The following CACNA2D3 variants were observed in gnomAD, a reference collection of about 807,000 sequenced individuals.
CACNA2D3 encodes voltage-dependent calcium channel subunit alpha-2/delta-3.
A neutral mutation model predicts 160.6 loss-of-function variants in CACNA2D3; 60 were observed. The observed-to-expected ratio is 0.37, with a 90% CI of 0.30 to 0.46. CACNA2D3 has a LOEUF of 0.46. Ranked by LOEUF, CACNA2D3 falls within the 20% of genes least tolerant of loss-of-function variation. The pLI is 1.00. For missense variants in CACNA2D3, 1,205 were observed against 1,365.0 expected (o/e 0.88, Z 1.85); for synonymous variants, 558 against 492.9 (o/e 1.13, Z -1.75).
intron 9 of CACNA2D3, chr3:54,626,282 A>G (rs768623725): frequency 3.4e-5 from 49 of 1,460,052 alleles, no homozygotes; most frequent in Non-Finnish European, 4.4e-5. Flanking sequence ...GACCTGGACC[A>G]GCTGCTGGAC....
At chr3:54,641,481 A>G (rs551223700) in intron 10 of CACNA2D3, among the ~76,000 whole-genome samples, 5 of 152,212 alleles carry the variant, frequency 3.3e-5, no homozygotes, top group Non-Finnish European at 5.9e-5. Flanking sequence ...ATCTCTTTTC[A>G]GACCTGAAAA....
chr3:54,217,218 G>A (rs1308949935), intron 2 of CACNA2D3, among the ~76,000 whole-genome samples: 1 of 152,150 alleles, frequency 6.6e-6, no homozygotes, highest in South Asian at 2.1e-4. Flanking sequence ...CAGCAGAGCA[G>A]TGACCTTATG....
intron 14 of CACNA2D3, among the ~76,000 whole-genome samples, chr3:54,827,324 G>A (rs892996227): frequency 6.6e-6 from 1 of 152,228 alleles, no homozygotes; most frequent in Non-Finnish European, 1.5e-5. Context: ...ACGTTTGGTA[G>A]CAAGTACAAA....
At chr3:54,783,139 C>A (rs1043615350) in intron 13 of CACNA2D3, among the ~76,000 whole-genome samples, 2 of 152,104 alleles carry the variant, frequency 1.3e-5, no homozygotes, top group African/African-American at 4.8e-5. Context: ...ATGTTACATG[C>A]AAGAAGGTCT....
At chr3:54,461,064 A>T (rs1700495182) in intron 4 of CACNA2D3, among the ~76,000 whole-genome samples, 1 of 152,064 alleles carries the variant, frequency 6.6e-6, no homozygotes, top group Non-Finnish European at 1.5e-5. Context: ...TTCTGTTTAT[A>T]TGCTGGATTA....
intron 11 of CACNA2D3, among the ~76,000 whole-genome samples, chr3:54,728,392 C>A (rs968512953): frequency 6.6e-6 from 1 of 152,138 alleles, no homozygotes; most frequent in African/African-American, 2.4e-5. Context: ...TAATTTTAAT[C>A]AATGTTTTCA....
At chr3:54,541,279 A>G (rs1262739348) in intron 5 of CACNA2D3, among the ~76,000 whole-genome samples, 2 of 7,920 alleles carry the variant, frequency 2.5e-4, no homozygotes, top group African/African-American at 7.8e-4. Context: ...TCCGTCTCAG[A>G]AAAAAAAAAA....
In CACNA2D3 at chr3:54,130,203, C is replaced by G. The variant is rs1028373989; in HGVS notation, c.204+6609C>G. Among the ~76,000 whole-genome samples, 6 of 151,770 alleles carry G rather than the reference C, an allele frequency of 4.0e-5. No individual in the cohort carries two copies. In the East Asian group the frequency reaches 1.2e-3, roughly 29 times the overall value. On this transcript the variant is annotated intron_variant, in intron 2 of 37. Transcript: ENST00000474759. ...AGCCTCCTGTGGGACAGGCTGTCCT[C>G]GTTTTGGCTTTCTCTCTTTCCTGCT...
intron 2 of CACNA2D3, among the ~76,000 whole-genome samples, chr3:54,302,949 A>C (rs1703513259): frequency 1.3e-5 from 2 of 151,852 alleles, no homozygotes; most frequent in Non-Finnish European, 2.9e-5. Flanking sequence ...TCCGAGTGTA[A>C]GGTGTGGGCA....
At chr3:54,414,950 C>A (rs1164537345) in intron 4 of CACNA2D3, among the ~76,000 whole-genome samples, 1 of 151,922 alleles carries the variant, frequency 6.6e-6, no homozygotes, top group Non-Finnish European at 1.5e-5. Flanking sequence ...TTTCAATGAA[C>A]AAATACTTCT....
intron 27 of CACNA2D3, among the ~76,000 whole-genome samples, chr3:54,904,045 C>T (rs1249903522): frequency 1.3e-5 from 2 of 152,192 alleles, no homozygotes; most frequent in East Asian, 3.8e-4. Context: ...TACAGTTCTG[C>T]AGGCTGCAAA....
intron 13 of CACNA2D3, among the ~76,000 whole-genome samples, chr3:54,771,103 CTTA>C (rs1165009739): frequency 6.6e-6 from 1 of 152,024 alleles, no homozygotes; most frequent in East Asian, 1.9e-4. Context: ...TGCTTTTTCT[CTTA>C]TTGTCTCTTA....
At chr3:54,609,923 C>G (rs1698714761) in intron 9 of CACNA2D3, among the ~76,000 whole-genome samples, 1 of 152,184 alleles carries the variant, frequency 6.6e-6, no homozygotes, top group Admixed American at 6.5e-5. Context: ...TATTGTCTTA[C>G]AGTTCTGGAG....
At chr3:54,903,287 A>T (rs559649439) in intron 27 of CACNA2D3, among the ~76,000 whole-genome samples, 1 of 152,166 alleles carries the variant, frequency 6.6e-6, no homozygotes, top group African/African-American at 2.4e-5. Flanking sequence ...GCTCCCACGT[A>T]TAAGTGAGAA....
chr3:54,830,342 C>T (rs1354270640), intron 14 of CACNA2D3, among the ~76,000 whole-genome samples: 2 of 152,260 alleles, frequency 1.3e-5, no homozygotes, highest in East Asian at 3.9e-4. Flanking sequence ...CTTAGTACTA[C>T]TCCTTTTCTG....
intron 11 of CACNA2D3, among the ~76,000 whole-genome samples, chr3:54,652,615 A>T (rs1043293812): frequency 6.6e-6 from 1 of 151,848 alleles, no homozygotes; most frequent in Non-Finnish European, 1.5e-5. Context: ...GAAAAGGTGG[A>T]TGTGTATGAG....
chr3:54,747,496 T>C (rs1185822637), intron 11 of CACNA2D3, among the ~76,000 whole-genome samples: 1 of 152,208 alleles, frequency 6.6e-6, no homozygotes, highest in African/African-American at 2.4e-5. Context: ...GCACTGTTCA[T>C]GGCCTATGCT....
chr3:54,391,070 T>G (rs17053949), intron 4 of CACNA2D3, among the ~76,000 whole-genome samples: 3,122 of 152,256 alleles, frequency 0.021, 97 homozygotes, highest in African/African-American at 0.072. Flanking sequence ...ATATCTTAGC[T>G]TCCGTCTTCC....
intron 4 of CACNA2D3, among the ~76,000 whole-genome samples, chr3:54,434,874 A>T (rs1700038703): frequency 6.6e-6 from 1 of 152,200 alleles, no homozygotes; most frequent in African/African-American, 2.4e-5. Context: ...CATCTGTGCT[A>T]GGCGGCCTTA....
Sources: gnomAD v4.1 joint callset for allele counts (sites outside exome capture counted in the v4.1 genomes callset) on GRCh38, gnomAD v4.1.1 for gene constraint, MANE v1.5 for transcripts, NCBI Gene and HGNC (gene_info 2026-07-23, HGNC 2026-07-21) for gene names.